CAMSAP2: variants seen among roughly 807,000 people sequenced by gnomAD.
CAMSAP2 encodes the protein calmodulin-regulated spectrin-associated protein 2.
In CAMSAP2, 26 loss-of-function variants were observed where a neutral mutation model predicts 146.1. That is an observed-to-expected ratio of 0.18 (90% confidence interval 0.13 to 0.25). The LOEUF is 0.25. Among genes scored for constraint, CAMSAP2 ranks in the 10% least tolerant of loss-of-function variants. CAMSAP2 has a pLI of 1.00. For missense variants in CAMSAP2, 1,381 were observed against 1,759.3 expected (o/e 0.78, Z 3.85); for synonymous variants, 499 against 596.6 (o/e 0.84, Z 2.38).
At chr1:200,852,937 T>G (rs1226825698) in intron 12 of CAMSAP2, among the ~76,000 whole-genome samples, 1 of 152,146 alleles carries the variant, frequency 6.6e-6, no homozygotes, top group Non-Finnish European at 1.5e-5. Flanking sequence ...GGGAAAGTTC[T>G]CTAGAAACAT....
intron 13 of CAMSAP2, among the ~76,000 whole-genome samples, chr1:200,854,386 CATAGTT>C (rs1667698388): frequency 1.3e-5 from 2 of 152,150 alleles, no homozygotes; most frequent in Non-Finnish European, 2.9e-5. Context: ...AGAGAATTCT[CATAGTT>C]ATACTAAACC....
chr1:200,833,647 C>A (rs1667101493), intron 6 of CAMSAP2, among the ~76,000 whole-genome samples: 1 of 152,054 alleles, frequency 6.6e-6, no homozygotes, highest in South Asian at 2.1e-4. Flanking sequence ...ATGTTTCTTA[C>A]AAATAGCAAT....
At chr1:200,785,574 G>C (rs533572356) in intron 2 of CAMSAP2, among the ~76,000 whole-genome samples, 1 of 152,154 alleles carries the variant, frequency 6.6e-6, no homozygotes, top group African/African-American at 2.4e-5. Context: ...ATTTTTAGTA[G>C]AGACAGGGTT....
intron 1 of CAMSAP2, among the ~76,000 whole-genome samples, chr1:200,757,683 C>A (rs989297395): frequency 2.0e-5 from 3 of 151,744 alleles, no homozygotes; most frequent in African/African-American, 7.3e-5. Flanking sequence ...CATTTGAAGT[C>A]TTCTCTTAAG....
intron 2 of CAMSAP2, among the ~76,000 whole-genome samples, chr1:200,782,126 G>A (rs1665450693): frequency 1.3e-5 from 2 of 152,078 alleles, no homozygotes; most frequent in South Asian, 4.2e-4. Context: ...AATGCCTTAA[G>A]TAATAAAAAC....
intron 1 of CAMSAP2, among the ~76,000 whole-genome samples, chr1:200,742,492 A>G (rs1471173751): frequency 6.6e-6 from 1 of 152,160 alleles, no homozygotes; most frequent in Non-Finnish European, 1.5e-5. Context: ...ACAGTCTTTC[A>G]AAACAAATTT....
chr1:200,845,256 C>CTTTTTTTTTT (rs11375893), intron 8 of CAMSAP2, among the ~76,000 whole-genome samples: 1 of 148,156 alleles, frequency 6.7e-6, no homozygotes, highest in African/African-American at 2.5e-5. Flanking sequence ...GTTTTTCCTG[C>CTTTTTTTTTT]TTTTTTTTTT....
intron 2 of CAMSAP2, among the ~76,000 whole-genome samples, chr1:200,784,785 A>G (rs573206975): frequency 6.6e-5 from 10 of 152,330 alleles, no homozygotes; most frequent in African/African-American, 2.4e-4. Context: ...AATGTTGAGT[A>G]AAAGTGGTGA....
chr1:200,767,562 C>T (rs60323244), intron 2 of CAMSAP2, among the ~76,000 whole-genome samples: 2 of 149,272 alleles, frequency 1.3e-5, no homozygotes, highest in African/African-American at 5.0e-5. Flanking sequence ...TGTTGGAACT[C>T]AAGTGTAATT....
At chr1:200,772,559 A>G (rs1192589945) in intron 2 of CAMSAP2, among the ~76,000 whole-genome samples, 1 of 152,228 alleles carries the variant, frequency 6.6e-6, no homozygotes, top group African/African-American at 2.4e-5. Context: ...CAGTGAGCCA[A>G]GGTCATGCCA....
At chr1:200,824,911 G>A (rs145391117) in intron 4 of CAMSAP2, among the ~76,000 whole-genome samples, 2 of 152,008 alleles carry the variant, frequency 1.3e-5, no homozygotes, top group Non-Finnish European at 2.9e-5. Context: ...CCCGGGAGGC[G>A]GAGGTTGCAG....
At chr1:200,745,390 GT>G (rs941380966) in intron 1 of CAMSAP2, among the ~76,000 whole-genome samples, 59 of 144,840 alleles carry the variant, frequency 4.1e-4, no homozygotes, top group Admixed American at 6.9e-4. Flanking sequence ...ATCTAAAAAG[GT>G]TTTTTTTTTT....
rs115212686 is a variant in CAMSAP2, at chr1:200,792,115, C to T, written c.400-15261C>T. ...GTTAAATTGGGAAAATTAGGCCACCCATAATAGTAAGATTAGTACTTCCAT... is the reference window on the plus strand; with the variant it reads ...GTTAAATTGGGAAAATTAGGCCACCTATAATAGTAAGATTAGTACTTCCAT... On this transcript the variant is annotated intron_variant, in intron 2 of 16. Transcript: ENST00000358823. Among the ~76,000 whole-genome samples, 468 of 139,138 alleles carry T rather than the reference C, an allele frequency of 3.4e-3. 3 individuals carry two copies. The highest frequency in any genetic ancestry group is 0.013 in the African/African-American group (448 of 35,388). 91.3% of individuals were successfully genotyped at this position (139,138 alleles called of 152,430 possible).
intron 4 of CAMSAP2, among the ~76,000 whole-genome samples, chr1:200,817,155 CATACACACACGTGTGTGTATAT>C (rs1170318880): frequency 8.7e-6 from 1 of 114,608 alleles, no homozygotes; most frequent in African/African-American, 3.4e-5. Context: ...CACATACACA[CATACACACACGTGTGTGTATAT>C]ACACACACAC....
chr1:200,842,383 T>C (rs922547400), intron 7 of CAMSAP2, among the ~76,000 whole-genome samples: 2 of 152,216 alleles, frequency 1.3e-5, no homozygotes, highest in South Asian at 4.1e-4. Context: ...TTTAGATTCT[T>C]AGTTTTTAAC....
chr1:200,756,688 G>A (rs1174737196), intron 1 of CAMSAP2, among the ~76,000 whole-genome samples: 2 of 152,154 alleles, frequency 1.3e-5, no homozygotes, highest in Non-Finnish European at 2.9e-5. Context: ...CGTGTACAAG[G>A]AGTAAATAAT....
Position 200,741,460 on chromosome 1 carries a change from G to A in CAMSAP2, c.139+1494G>A, listed in dbSNP as rs560632091. Among the ~76,000 whole-genome samples the A allele has an allele frequency of 1.2e-4, 18 of 152,250 alleles. No homozygotes were observed. In the East Asian group the frequency reaches 1.9e-3, roughly 16 times the overall value. On this transcript the variant is annotated intron_variant, in intron 1 of 16. Coordinates refer to ENST00000358823, the MANE Select transcript of CAMSAP2 (RefSeq NM_203459.4). ...TTAACTTAAGCAGCACACTGAAGCC[G>A]GTATCTATTTGGATGGCAAATCAAG...
In CAMSAP2 at chr1:200,772,078, G is replaced by A. The variant is rs189332734; in HGVS notation, c.399+10980G>A. On this transcript the variant is annotated intron_variant, in intron 2 of 16. Coordinates refer to ENST00000358823, the MANE Select transcript of CAMSAP2 (RefSeq NM_203459.4). ...AGTTTTAGAGCTGAAAGAGATCCTA[G>A]CAATCATCTGGTCTCGAGTTTTGAA... 3.2e-4 allele frequency among the ~76,000 whole-genome samples: 49 copies of A among 152,214 alleles called. No homozygotes were observed. The South Asian group carries it at 8.5e-3, about 26-fold the overall frequency.
intron 6 of CAMSAP2, among the ~76,000 whole-genome samples, chr1:200,835,334 A>G (rs1667158384): frequency 6.6e-6 from 1 of 152,238 alleles, no homozygotes; most frequent in Non-Finnish European, 1.5e-5. Context: ...AGATTATTAT[A>G]ACTTTTAGAA....
Sources: gnomAD v4.1 joint callset for allele counts (sites outside exome capture counted in the v4.1 genomes callset) on GRCh38, gnomAD v4.1.1 for gene constraint, MANE v1.5 for transcripts, NCBI Gene and HGNC (gene_info 2026-07-23, HGNC 2026-07-21) for gene names.